The following NTSR1 variants were observed in gnomAD, a reference collection of about 807,000 sequenced individuals.
The protein encoded by NTSR1 is neurotensin receptor 1.
In NTSR1, 29 loss-of-function variants were observed where a neutral mutation model predicts 31.2. The observed-to-expected ratio is 0.93, with a 90% confidence interval of 0.69 to 1.27. The LOEUF (loss-of-function observed/expected upper bound fraction) is 1.27, where lower values mean the gene tolerates loss of function less well. Among genes scored for constraint, NTSR1 ranks in the 50% most tolerant of loss-of-function variants. The probability of loss-of-function intolerance (pLI) is 0.00; values close to 1 mark genes in which losing one functional copy is unlikely to be tolerated. For synonymous variants in NTSR1, 282 were observed against 269.9 expected, an observed-to-expected ratio of 1.04 and a Z score of -0.44; for missense variants, 697 against 595.4, an observed-to-expected ratio of 1.17 and a Z score of -1.78.
intron 1 of NTSR1, among the ~76,000 whole-genome samples, chr20:62,725,352 G>C (rs377754967): frequency 1.3e-5 from 2 of 152,248 alleles, no homozygotes; most frequent in African/African-American, 4.8e-5. Context: ...CTCATCCTGT[G>C]GGGCCTCCAG....
chr20:62,709,095 A>T lies in NTSR1; in HGVS notation c.-113A>T. On this transcript the variant is annotated 5_prime_UTR_variant, in exon 1 of 4. Coordinates refer to ENST00000370501, the MANE Select transcript of NTSR1 (RefSeq NM_002531.3). ...GACGGCGCGCCCGCTGGTCTTCGCC[A>T]CGCGCCCTCCCCTGGGCTCCCGTTC... 2 of 883,040 alleles carry T rather than the reference A, an allele frequency of 2.3e-6. No homozygotes were observed. Among genetic ancestry groups the T allele is most frequent in the Non-Finnish European group, 3.1e-6 (2 of 639,584 alleles). 54.7% of individuals were successfully genotyped at this position (883,040 alleles called of 1,614,324 possible). A position where few individuals can be genotyped will look rare whatever the true frequency, so the allele number is the denominator to read the frequency against.
chr20:62,750,936 C>T (rs1600734083), intron 1 of NTSR1, among the ~76,000 whole-genome samples: 1 of 152,204 alleles, frequency 6.6e-6, no homozygotes, highest in East Asian at 1.9e-4. Context: ...AGTGCAGTGG[C>T]GAAGTCATAG....
chr20:62,753,531 G>C (rs1320288733), intron 1 of NTSR1, among the ~76,000 whole-genome samples: 4 of 152,186 alleles, frequency 2.6e-5, no homozygotes, highest in Non-Finnish European at 4.4e-5. Context: ...GCTTCTCCAA[G>C]ACACCCAAAA....
intron 2 of NTSR1, among the ~76,000 whole-genome samples, chr20:62,757,731 T>C (rs1263237324): frequency 6.6e-6 from 1 of 152,174 alleles, no homozygotes; most frequent in Non-Finnish European, 1.5e-5. Context: ...TCTGAGGCCA[T>C]ATCTCTGTGT....
intron 1 of NTSR1, among the ~76,000 whole-genome samples, chr20:62,729,331 G>A (rs1988964599): frequency 3.3e-5 from 5 of 152,352 alleles, no homozygotes; most frequent in Middle Eastern, 3.4e-3. Flanking sequence ...AGCCCACTGG[G>A]GAGAGATGAG....
rs577505487 is a variant in NTSR1, at chr20:62,709,472, G to C, written c.265G>C (p.Ala89Pro). ...VGNTVTAFTL[A>P]RKKSLQSLQS... ...CAACACGGTGACGGCGTTCACGCTGGCGCGGAAGAAGTCGCTGCAGAGCCT... is the reference window on the plus strand; with the variant it reads ...CAACACGGTGACGGCGTTCACGCTGCCGCGGAAGAAGTCGCTGCAGAGCCT... The change falls in exon 1 of 4, where the codon GCG becomes CCG. Residue 89 changes from alanine (A) to proline (P), a missense_variant. Transcript: ENST00000370501. The C allele has an allele frequency of 6.2e-7, 1 of 1,612,638 alleles. No homozygotes were observed. The highest frequency in any genetic ancestry group is 1.1e-5 in the South Asian group (1 of 91,080).
At chr20:62,721,574 A>C (rs1988828294) in intron 1 of NTSR1, among the ~76,000 whole-genome samples, 3 of 152,202 alleles carry the variant, frequency 2.0e-5, no homozygotes, top group Non-Finnish European at 4.4e-5. Flanking sequence ...TCCACATGAA[A>C]GTGCCATTCA....
In NTSR1 at chr20:62,743,541, C is replaced by G. The variant is rs369607970; in HGVS notation, c.715-11144C>G. Among the ~76,000 whole-genome samples the G allele has an allele frequency of 7.9e-5, 12 of 152,298 alleles. No individual in the cohort carries two copies. The highest frequency in any genetic ancestry group is 2.9e-4 in the African/African-American group (12 of 41,568). On this transcript the variant is annotated intron_variant, in intron 1 of 3. Coordinates refer to ENST00000370501, the MANE Select transcript of NTSR1 (RefSeq NM_002531.3). The surrounding 1 kb of genome is among the most constrained non-coding windows in gnomAD (Gnocchi z 7.5). The stretch of plus-strand genomic sequence containing the variant: ...CAGGGAGAGGGCGATCCCCTGCCAG[C>G]CCAGCAAGGCCACCCCAGCGGTCAC...
chr20:62,720,507 T>C (rs1988812445), intron 1 of NTSR1, among the ~76,000 whole-genome samples: 1 of 152,214 alleles, frequency 6.6e-6, no homozygotes. Flanking sequence ...ATTTCTAATA[T>C]TGGTAATCTG....
chr20:62,758,762 C>T lies in NTSR1; in HGVS notation c.1007+406C>T, dbSNP rs1169045247. Among the ~76,000 whole-genome samples the T allele has an allele frequency of 6.6e-6, 1 of 152,086 alleles. No individual in the cohort carries two copies. The highest frequency in any genetic ancestry group is 1.5e-5 in the Non-Finnish European group (1 of 68,014). On this transcript the variant is annotated intron_variant, in intron 3 of 3. Transcript: ENST00000370501. This position sits in a 1 kb window ranked among gnomAD's most constrained non-coding sequence, Gnocchi z 4.5. Reference sequence around the variant, plus strand: ...AGTTATACTCAGGGCTGTGACTTATCGCAGCAAGAGCACCAATACTGACAA... The same window carrying T: ...AGTTATACTCAGGGCTGTGACTTATTGCAGCAAGAGCACCAATACTGACAA...
At chr20:62,738,616 C>T (rs911260647) in intron 1 of NTSR1, among the ~76,000 whole-genome samples, 10 of 152,252 alleles carry the variant, frequency 6.6e-5, no homozygotes, top group African/African-American at 9.6e-5. Flanking sequence ...GGGCTCCTAC[C>T]TTGCAAGGTG....
At chr20:62,752,246 C>A (rs547868384) in intron 1 of NTSR1, among the ~76,000 whole-genome samples, 1 of 152,246 alleles carries the variant, frequency 6.6e-6, no homozygotes, top group Non-Finnish European at 1.5e-5. Context: ...CGAGTCCCCG[C>A]GCTGCCGATG....
At position 62,709,781 on chromosome 20, in the gene NTSR1, A is replaced by G. The variant is rs759323841; in HGVS notation, c.574A>G (p.Ile192Val). The change falls in exon 1 of 4, where the codon ATC (isoleucine) becomes GTC (valine). Residue 192 changes from isoleucine to valine, a missense_variant. By Grantham distance (29) the Ile-to-Val change is conservative (BLOSUM62 3). Transcript: ENST00000370501. Reference protein sequence around the residue: ...RSRTKKFISAIWLASALLAVP... With the variant: ...RSRTKKFISAVWLASALLAVP... ...CCGCACCAAGAAGTTCATCAGCGCC[A>G]TCTGGCTCGCCTCGGCCCTGCTGGC... 4 of 1,612,996 alleles carry G rather than the reference A, an allele frequency of 2.5e-6. 1 individual carries two copies. The South Asian group carries it at 4.4e-5, about 18-fold the overall frequency.
In NTSR1 at chr20:62,709,056, G is replaced by A. The variant is rs1199440782; in HGVS notation, c.-152G>A. The A allele has an allele frequency of 7.1e-6, 4 of 563,232 alleles. No individual in the cohort carries two copies. The East Asian group carries it at 1.1e-4, about 15-fold the overall frequency. 34.9% of individuals were successfully genotyped at this position (563,232 alleles called of 1,614,324 possible). ...GCCCGGGGCGGCGCGTCTGGGTCTGGCGCTTCCCGACTGGACGGCGCGCCC... is the reference window on the plus strand; with the variant it reads ...GCCCGGGGCGGCGCGTCTGGGTCTGACGCTTCCCGACTGGACGGCGCGCCC... On this transcript the variant is annotated 5_prime_UTR_variant, in exon 1 of 4. Transcript: ENST00000370501.
intron 1 of NTSR1, among the ~76,000 whole-genome samples, chr20:62,747,847 G>C (rs1472562116): frequency 1.3e-5 from 2 of 152,214 alleles, no homozygotes; most frequent in African/African-American, 4.8e-5. Context: ...AAAATAAGTT[G>C]TGTTTCTATA....
At position 62,758,364 on chromosome 20, in the gene NTSR1, C is replaced by T. The variant is rs1484432605; in HGVS notation, c.1007+8C>T. 6 of 1,612,536 alleles carry T rather than the reference C, an allele frequency of 3.7e-6. No homozygotes were observed. Among genetic ancestry groups the T allele is most frequent in the Non-Finnish European group, 5.1e-6 (6 of 1,179,092 alleles). On this transcript the variant is annotated splice_region_variant and intron_variant, in intron 3 of 3. Coordinates refer to ENST00000370501, the MANE Select transcript of NTSR1 (RefSeq NM_002531.3). This position sits in a 1 kb window ranked among gnomAD's most constrained non-coding sequence, Gnocchi z 4.5. ...GGATGAGCAGTGGACTCCGTGAGTA[C>T]CGGGAACCAGGAAGTTGGGTGCTGG...
At chr20:62,739,926 T>A (rs1001135573) in intron 1 of NTSR1, among the ~76,000 whole-genome samples, 10 of 152,380 alleles carry the variant, frequency 6.6e-5, no homozygotes, top group African/African-American at 2.4e-4. Flanking sequence ...ATCTGTGCTC[T>A]GACATGGAAA....
chr20:62,713,594 A>G (rs1988658627), intron 1 of NTSR1, among the ~76,000 whole-genome samples: 1 of 152,220 alleles, frequency 6.6e-6, no homozygotes, highest in South Asian at 2.1e-4. Context: ...GGAAGGATAC[A>G]GAGGTGTTTA....
intron 1 of NTSR1, among the ~76,000 whole-genome samples, chr20:62,721,345 T>G (rs1051124906): frequency 3.3e-5 from 5 of 152,258 alleles, no homozygotes; most frequent in African/African-American, 1.2e-4. Context: ...ATATTGATTC[T>G]CTTTTCCTTG....
Sources: gnomAD v4.1 joint callset for allele counts (sites outside exome capture counted in the v4.1 genomes callset) on GRCh38, gnomAD v4.1.1 for gene constraint, Gnocchi (gnomAD v3.1) non-coding constraint, MANE v1.5 for transcripts, NCBI Gene and HGNC (gene_info 2026-07-23, HGNC 2026-07-21) for gene names.